The following TBC1D15 variants were observed in gnomAD, a reference collection of about 807,000 sequenced individuals.
TBC1D15 encodes GAP for RAB7.
A neutral mutation model predicts 95.4 loss-of-function variants in TBC1D15; 39 were observed. The observed-to-expected ratio is 0.41, with a 90% CI of 0.32 to 0.53. The LOEUF (loss-of-function observed/expected upper bound fraction) is 0.53. Ranked by LOEUF, TBC1D15 falls within the 20% of genes least tolerant of loss-of-function variation. TBC1D15 has a pLI of 0.29. For synonymous variants in TBC1D15, 258 were observed against 261.3 expected (o/e 0.99, Z 0.12); for missense variants, 733 against 794.3 (o/e 0.92, Z 0.93).
Position 71,863,174 on chromosome 12 carries a change from C to T in TBC1D15, c.31-8896C>T, listed in dbSNP as rs563140249. On this transcript the variant is annotated intron_variant, in intron 1 of 16. Coordinates refer to ENST00000485960, the MANE Select transcript of TBC1D15 (RefSeq NM_001146213.3). ...CGAGCGGATCACGAGGTCAGGAGAT[C>T]GAGACCATCCTGGCTAACATGGTGA... 4.2e-4 allele frequency among the ~76,000 whole-genome samples: 64 copies of T among 152,152 alleles called. 1 individual carries two copies. The highest frequency in any genetic ancestry group is 1.3e-3 in the African/African-American group (52 of 41,538).
intron 5 of TBC1D15, among the ~76,000 whole-genome samples, chr12:71,888,466 C>T (rs1253370913): frequency 7.0e-6 from 1 of 142,702 alleles, no homozygotes; most frequent in Non-Finnish European, 1.5e-5. Flanking sequence ...TGAGACTTTA[C>T]CTAAAAAAAA....
Position 71,884,795 on chromosome 12 carries a change from C to A in TBC1D15, c.344-16C>A, listed in dbSNP as rs1255971016. 1 of 1,613,300 alleles carries A rather than the reference C, an allele frequency of 6.2e-7. No individual in the cohort carries two copies. Among genetic ancestry groups the A allele is most frequent in the African/African-American group, 1.3e-5 (1 of 74,876 alleles). ...AGGTGAACAAAAATATTTTGCCCCA[C>A]TTTCTTGTTTTTAAGATGCTCCAAG... is the stretch of plus-strand genomic sequence containing the variant. On this transcript the variant is annotated splice_polypyrimidine_tract_variant and intron_variant, in intron 4 of 16. Coordinates refer to ENST00000485960, the MANE Select transcript of TBC1D15 (RefSeq NM_001146213.3).
intron 1 of TBC1D15, among the ~76,000 whole-genome samples, chr12:71,860,668 G>A (rs328787): frequency 0.086 from 13,131 of 152,098 alleles, 641 homozygotes; most frequent in South Asian, 0.15. Flanking sequence ...TCTATGTGTA[G>A]GATTATATCT....
intron 1 of TBC1D15, among the ~76,000 whole-genome samples, chr12:71,864,805 T>C (rs2016880): frequency 0.4 from 60,123 of 152,116 alleles, 14,073 homozygotes; most frequent in African/African-American, 0.64. Flanking sequence ...GTGCCCGGCC[T>C]ACCTACAGTT....
intron 3 of TBC1D15, among the ~76,000 whole-genome samples, chr12:71,875,190 T>A (rs1363609068): frequency 6.6e-6 from 1 of 152,032 alleles, no homozygotes; most frequent in African/African-American, 2.4e-5. Context: ...CTGCCCGCCT[T>A]GGCCTCCCAA....
rs139515644 is a variant in TBC1D15 at position 71,872,871 on chromosome 12, ATAAT to A, written c.130-54_130-51del. On this transcript the variant is annotated intron_variant, in intron 2 of 16. Transcript: ENST00000485960. ...TTTTATTTTGGGTTCAGGGAATAAA[ATAAT>A]TAAGAATAACATATTGCTGAATATT... 8,595 of 1,281,498 alleles carry A rather than the reference ATAAT, an allele frequency of 6.7e-3. 454 individuals carry two copies. In the African/African-American group the frequency reaches 0.11, roughly 17 times the overall value. The allele number at this position is 1,281,498 out of a possible 1,614,324, so 79.4% of individuals were successfully genotyped here. A position where few individuals can be genotyped will look rare whatever the true frequency, so the allele number is the denominator to read the frequency against.
chr12:71,848,060 G>C (rs1463337295), intron 1 of TBC1D15, among the ~76,000 whole-genome samples: 1 of 152,204 alleles, frequency 6.6e-6, no homozygotes, highest in East Asian at 1.9e-4. Flanking sequence ...TCTTGCCACT[G>C]CACGCCAGCC....
At chr12:71,887,261 A>AAGTTGATCAACT (rs750324140) in intron 5 of TBC1D15, among the ~76,000 whole-genome samples, 21 of 152,176 alleles carry the variant, frequency 1.4e-4, no homozygotes, top group African/African-American at 4.8e-4. Flanking sequence ...ATCAACTATC[A>AAGTTGATCAACT]ACTATTTTTA....
chr12:71,898,695 A>G (rs899361517), intron 10 of TBC1D15, among the ~76,000 whole-genome samples: 4 of 152,104 alleles, frequency 2.6e-5, no homozygotes, highest in African/African-American at 9.7e-5. Flanking sequence ...TGAAATTCCT[A>G]TATTGTATCT....
intron 3 of TBC1D15, among the ~76,000 whole-genome samples, chr12:71,874,420 A>C (rs1007578839): frequency 1.3e-5 from 2 of 151,978 alleles, no homozygotes; most frequent in African/African-American, 2.4e-5. Flanking sequence ...TATTGGTTCT[A>C]TTTGATGTAG....
intron 10 of TBC1D15, among the ~76,000 whole-genome samples, chr12:71,900,571 C>T (rs967614560): frequency 1.3e-5 from 2 of 152,098 alleles, no homozygotes; most frequent in African/African-American, 4.8e-5. Context: ...TACACTCATT[C>T]ATTCTTTCAA....
At chr12:71,907,189 GA>G (rs1228149958) in intron 11 of TBC1D15, 51 bp downstream of exon 11, 1 of 1,157,956 alleles carries the variant, frequency 8.6e-7, no homozygotes, top group Non-Finnish European at 1.2e-6. Flanking sequence ...ATTTACTTTA[GA>G]GTTTACATTT....
At chr12:71,874,102 T>G (rs1893256456) in intron 3 of TBC1D15, among the ~76,000 whole-genome samples, 1 of 152,246 alleles carries the variant, frequency 6.6e-6, no homozygotes, top group Admixed American at 6.5e-5. Context: ...TTTAACTTGA[T>G]TACTTGTGTT....
In TBC1D15 at chr12:71,907,136, T is replaced by G. The variant is rs1253607322; in HGVS notation, c.1298T>G (p.Leu433Ter). The G allele has an allele frequency of 1.9e-6, 3 of 1,558,950 alleles. No homozygotes were observed. The highest frequency in any genetic ancestry group is 1.8e-6 in the Non-Finnish European group (2 of 1,138,964). The change falls in exon 11 of 17, where the codon TTA becomes TGA. Residue 433 changes from leucine (L) to a stop codon, truncating the protein, a stop_gained and splice_region_variant. Transcript: ENST00000485960. LOFTEE classifies it high-confidence loss of function. The stretch of plus-strand genomic sequence containing the variant: ...ACCTACTGTATGTATGATTTTGATT[T>G]AGGTAAGTTCTCTAAAGTTCTAATT... ...LMTYCMYDFD[L>*]GYVQGMSDLL...
chr12:71,855,175 C>T (rs1888748404), intron 1 of TBC1D15, among the ~76,000 whole-genome samples: 3 of 152,036 alleles, frequency 2.0e-5, no homozygotes, highest in Non-Finnish European at 1.5e-5. Flanking sequence ...ACCATAAGAC[C>T]TTGTGAGAAC....
intron 5 of TBC1D15, among the ~76,000 whole-genome samples, chr12:71,887,553 C>T (rs1259261248): frequency 6.6e-6 from 1 of 152,186 alleles, no homozygotes; most frequent in African/African-American, 2.4e-5. Flanking sequence ...CCCCTAAACT[C>T]TTTCTTGTCT....
At position 71,880,543 on chromosome 12, in the gene TBC1D15, T is replaced by C; in HGVS notation, c.279T>C (p.Ser93=). ...RGHRGSEHLN[S]YEAEWDMVNT... ...ATCGAGGATCAGAACATCTGAACAG[T>C]TACGAAGCAGAATGGGACATGGTTA... The change falls in exon 4 of 17, where the codon AGT becomes AGC. Residue 93 remains serine (S), a synonymous_variant. Coordinates refer to ENST00000485960, the MANE Select transcript of TBC1D15 (RefSeq NM_001146213.3). 1 of 1,613,462 alleles carries C rather than the reference T, an allele frequency of 6.2e-7. No individual in the cohort carries two copies. The highest frequency in any genetic ancestry group is 1.7e-5 in the Admixed American group (1 of 59,994).
At position 71,850,984 on chromosome 12, in the gene TBC1D15, CAAAAAA is replaced by C. The variant is rs1206992856; in HGVS notation, c.30+11192_30+11197del. Among the ~76,000 whole-genome samples, 65 of 46,956 alleles carry C rather than the reference CAAAAAA, an allele frequency of 1.4e-3. 1 individual carries two copies. The highest frequency in any genetic ancestry group is 2.5e-3 in the Non-Finnish European group (58 of 23,150). The allele number at this position is 46,956 out of a possible 152,430, so 30.8% of individuals were successfully genotyped here. A position where few individuals can be genotyped will look rare whatever the true frequency, so the allele number is the denominator to read the frequency against. ...CTGGTGGCAGAGCAACACTCCATCT[CAAAAAA>C]AAAAAAAAAAAAAAAAAAGAAAGAA... On this transcript the variant is annotated intron_variant, in intron 1 of 16. Coordinates refer to ENST00000485960, the MANE Select transcript of TBC1D15 (RefSeq NM_001146213.3).
chr12:71,871,073 T>G (rs1892571171), intron 1 of TBC1D15, among the ~76,000 whole-genome samples: 1 of 152,118 alleles, frequency 6.6e-6, no homozygotes, highest in Admixed American at 6.6e-5. Context: ...TTAAAAAAAT[T>G]TTTAAATGGT....
Sources: allele counts gnomAD v4.1 joint callset (sites outside exome capture counted in the v4.1 genomes callset), GRCh38; gene constraint gnomAD v4.1.1; transcripts MANE v1.5; gene names NCBI Gene and HGNC (gene_info 2026-07-23, HGNC 2026-07-21).